The following BIRC6 variants were observed in gnomAD, a reference collection of about 807,000 sequenced individuals.
BIRC6 encodes the protein dual E2 ubiquitin-conjugating enzyme/E3 ubiquitin-protein ligase BIRC6.
Under a neutral mutation model 503.3 loss-of-function variants are expected in BIRC6, and 98 were observed. The observed-to-expected ratio is 0.19, with a 90% CI of 0.17 to 0.23. The LOEUF is 0.23. Ranked by LOEUF, BIRC6 falls within the 10% of genes least tolerant of loss-of-function variation. The pLI is 1.00. For missense variants in BIRC6, 5,360 were observed against 5,806.0 expected (o/e 0.92, Z 2.50); for synonymous variants, 2,240 against 2,078.7 (o/e 1.08, Z -2.11).
chr2:32,415,059 T>G lies in BIRC6; in HGVS notation c.1768T>G (p.Ser590Ala). ...TSPISSNSHR[S>A]LDGLSRTQGE... ...ACCCATTAGTAGTAATTCTCACAGG[T>G]CACTGGATGGTTTAAGCAGAACTCA... Residue 590 changes from serine to alanine, a missense_variant, in exon 10 of 74, where the codon TCA (serine) becomes GCA (alanine). Transcript: ENST00000421745. 1 of 1,613,934 alleles carries G rather than the reference T, an allele frequency of 6.2e-7. No individual in the cohort carries two copies. Among genetic ancestry groups the G allele is most frequent in the Non-Finnish European group, 8.5e-7 (1 of 1,179,878 alleles).
At chr2:32,369,941 A>AAT (rs2035578364) in intron 1 of BIRC6, among the ~76,000 whole-genome samples, 1 of 46,042 alleles carries the variant, frequency 2.2e-5, no homozygotes, top group Non-Finnish European at 3.6e-5. Context: ...AAAAAAAAAA[A>AAT]AAAAATATAT....
At chr2:32,512,447 A>G (rs2054544372) in intron 53 of BIRC6, among the ~76,000 whole-genome samples, 1 of 152,236 alleles carries the variant, frequency 6.6e-6, no homozygotes, top group African/African-American at 2.4e-5. Flanking sequence ...TGTTAGTTCT[A>G]AATGACAGAT....
chr2:32,426,577 C>T (rs1255983606), intron 10 of BIRC6, among the ~76,000 whole-genome samples: 1 of 152,260 alleles, frequency 6.6e-6, no homozygotes, highest in Non-Finnish European at 1.5e-5. Flanking sequence ...GTACTCCAGC[C>T]TGGGCAACAG....
chr2:32,515,792 C>T (rs752302950), intron 55 of BIRC6, 22 bp downstream of exon 55: 3 of 1,565,606 alleles, frequency 1.9e-6, no homozygotes, highest in Admixed American at 1.9e-5. Flanking sequence ...AAATAACTTA[C>T]ATTTTAGTTG....
chr2:32,582,342 C>T (rs2060730285), intron 66 of BIRC6, among the ~76,000 whole-genome samples: 1 of 151,936 alleles, frequency 6.6e-6, no homozygotes, highest in African/African-American at 2.4e-5. Context: ...TAAGTAAAAC[C>T]CTGATATATT....
At chr2:32,575,021 T>C (rs1013963988) in intron 65 of BIRC6, 135 bp from the exon 66 acceptor site, 5 of 874,000 alleles carry the variant, frequency 5.7e-6, no homozygotes, top group Non-Finnish European at 9.1e-6. Context: ...GTACTGAGAT[T>C]ACAGGCCTGA....
chr2:32,389,615 A>G (rs1428309465), intron 4 of BIRC6, among the ~76,000 whole-genome samples: 1 of 152,262 alleles, frequency 6.6e-6, no homozygotes. Context: ...TCTTACAAAA[A>G]GTACCAAGGT....
chr2:32,590,848 G>A, intron 66 of BIRC6: 1 of 985,894 alleles, frequency 1.0e-6, no homozygotes. Context: ...CAAAGCAGCG[G>A]ATACCATGGT....
chr2:32,420,492 ATAT>A (rs2042817756), intron 10 of BIRC6, among the ~76,000 whole-genome samples: 1 of 152,028 alleles, frequency 6.6e-6, no homozygotes, highest in Admixed American at 6.6e-5. Flanking sequence ...GAATTTCATA[ATAT>A]TCCCCACAAT....
intron 3 of BIRC6, among the ~76,000 whole-genome samples, chr2:32,381,777 C>T (rs971182523): frequency 6.6e-6 from 1 of 152,116 alleles, no homozygotes; most frequent in African/African-American, 2.4e-5. Context: ...AGCTCTTAAC[C>T]TCGTGATTCA....
chr2:32,405,467 T>C (rs1215527028), intron 8 of BIRC6, among the ~76,000 whole-genome samples: 1 of 152,166 alleles, frequency 6.6e-6, no homozygotes, highest in Non-Finnish European at 1.5e-5. Context: ...TGCAGTAATA[T>C]CCTTAAGCAT....
Position 32,510,573 on chromosome 2 carries a change from G to A in BIRC6, c.10285G>A (p.Asp3429Asn). 6.2e-7 allele frequency: 1 copy of A among 1,610,182 alleles called. No individual in the cohort carries two copies. Among genetic ancestry groups the A allele is most frequent in the Non-Finnish European group, 8.5e-7 (1 of 1,176,600 alleles). The change falls in exon 53 of 74, where the codon GAC becomes AAC. Residue 3429 changes from aspartate (D) to asparagine (N), a missense_variant. Physicochemically the swap from Asp to Asn is conservative, Grantham distance 23. This residue lies in a region of BIRC6 where 878 missense variants were observed against 928.9 expected (regional missense o/e 0.95). Transcript: ENST00000421745. Reference protein sequence around the residue: ...LFGRLNGLSSDSTIDILYQLG... With the variant: ...LFGRLNGLSSNSTIDILYQLG... ...TGGAAGACTAAATGGACTCTCTTCT[G>A]ACTCTACGATAGATATTCTTTACCA...
intron 3 of BIRC6, among the ~76,000 whole-genome samples, chr2:32,387,440 G>A (rs1270529508): frequency 6.6e-6 from 1 of 151,982 alleles, no homozygotes; most frequent in Non-Finnish European, 1.5e-5. Context: ...GGGTGAACTG[G>A]GGACAGGATA....
intron 23 of BIRC6, among the ~76,000 whole-genome samples, chr2:32,460,274 T>A (rs12464124): frequency 0.014 from 276 of 19,320 alleles, no homozygotes; most frequent in Non-Finnish European, 0.018. Context: ...ATATATATAT[T>A]TTTTTTTTTT....
At chr2:32,478,488 C>T (rs2050020695) in intron 35 of BIRC6, 147 bp from the exon 36 acceptor site, 3 of 529,626 alleles carry the variant, frequency 5.7e-6, no homozygotes, top group South Asian at 5.2e-5. Flanking sequence ...TTTTGCATTC[C>T]ATCTCAAGCA....
At chr2:32,601,667 G>T (rs2151537868) in intron 70 of BIRC6, among the ~76,000 whole-genome samples, 1 of 152,250 alleles carries the variant, frequency 6.6e-6, no homozygotes, top group Non-Finnish European at 1.5e-5. Flanking sequence ...AATCTGATGA[G>T]TATATTTTAT....
chr2:32,362,310 C>T (rs998055837), intron 1 of BIRC6, among the ~76,000 whole-genome samples: 23 of 150,258 alleles, frequency 1.5e-4, no homozygotes, highest in Admixed American at 2.6e-4. Flanking sequence ...TGTTTATTTG[C>T]TGACTTTGTT....
intron 73 of BIRC6, among the ~76,000 whole-genome samples, chr2:32,614,315 A>G (rs2063090311): frequency 6.6e-6 from 1 of 152,036 alleles, no homozygotes; most frequent in South Asian, 2.1e-4. Flanking sequence ...TTCCTTCTTT[A>G]GTGCATTACC....
intron 37 of BIRC6, among the ~76,000 whole-genome samples, chr2:32,480,066 G>C (rs1052693551): frequency 6.6e-6 from 1 of 151,336 alleles, no homozygotes; most frequent in Non-Finnish European, 1.5e-5. Context: ...AGTCTGTTTT[G>C]GGTACTAATC....
Sources: gnomAD v4.1 joint callset for allele counts (sites outside exome capture counted in the v4.1 genomes callset) on GRCh38, gnomAD v4.1.1 for gene constraint, gnomAD v4.1.1 regional missense constraint, MANE v1.5 for transcripts, NCBI Gene and HGNC (gene_info 2026-07-23, HGNC 2026-07-21) for gene names.